The following CFAP47 variants were observed in gnomAD, a reference collection of about 807,000 sequenced individuals.
The protein encoded by CFAP47 is cilia and flagella associated protein 47, also known as cilia- and flagella-associated protein 47.
CFAP47 carries 29 observed loss-of-function variants against 148.1 expected under a neutral mutation model. The ratio of observed to expected loss-of-function variants is 0.20; its 90% confidence interval spans 0.15 to 0.27. CFAP47 has a LOEUF of 0.27. Among genes scored for constraint, CFAP47 ranks in the 10% least tolerant of loss-of-function variants. The pLI is 1.00. For synonymous variants in CFAP47, 664 were observed against 577.3 expected (o/e 1.15, Z -2.15); for missense variants, 1,872 against 1,697.5 (o/e 1.10, Z -1.81).
At chrX:36,036,356 A>C (rs1304269617) in intron 24 of CFAP47, among the ~76,000 whole-genome samples, 1 of 95,214 alleles carries the variant, frequency 1.1e-5, no homozygotes, top group African/African-American at 5.2e-5. Flanking sequence ...TCTAGGTTCA[A>C]TCATTTTTTT....
chrX:36,238,544 T>G (rs782080136), intron 48 of CFAP47, among the ~76,000 whole-genome samples: 24 of 112,024 alleles, frequency 2.1e-4, no homozygotes, highest in Non-Finnish European at 9.4e-5. Flanking sequence ...TCCTCTGCTG[T>G]GACCTCTGTG....
chrX:36,232,065 T>C (rs1940370840), intron 46 of CFAP47, among the ~76,000 whole-genome samples: 1 of 111,489 alleles, frequency 9.0e-6, no homozygotes, highest in Admixed American at 9.5e-5. Flanking sequence ...GATATTGGTC[T>C]AAAATTCTCC....
At chrX:36,090,096 C>G (rs1421507356) in intron 30 of CFAP47, among the ~76,000 whole-genome samples, 1 of 111,444 alleles carries the variant, frequency 9.0e-6, no homozygotes, top group African/African-American at 3.3e-5. Context: ...GTCAGAAAGC[C>G]AGTATTTATC....
intron 57 of CFAP47, among the ~76,000 whole-genome samples, chrX:36,334,787 TCA>T (rs1452505261): frequency 9.0e-6 from 1 of 111,097 alleles, no homozygotes; most frequent in Non-Finnish European, 1.9e-5. Flanking sequence ...TTCTAGGATA[TCA>T]CACTATCCTA....
intron 6 of CFAP47, among the ~76,000 whole-genome samples, chrX:35,953,017 T>C (rs1936190149): frequency 8.9e-6 from 1 of 112,059 alleles, no homozygotes; most frequent in Admixed American, 9.6e-5. Flanking sequence ...AAATAGCCAA[T>C]GAGCAGACCT....
chrX:35,973,860 C>T (rs750971733), intron 13 of CFAP47, among the ~76,000 whole-genome samples: 5 of 112,207 alleles, frequency 4.5e-5, no homozygotes, highest in Non-Finnish European at 7.5e-5. Flanking sequence ...ACACTTCATC[C>T]CTAAGATGAG....
chrX:36,239,325 A>G lies in CFAP47; in HGVS notation c.7332+2466A>G, dbSNP rs782531349. Among the ~76,000 whole-genome samples the G allele has an allele frequency of 3.6e-5, 4 of 112,572 alleles. No homozygotes were observed. In the South Asian group the frequency reaches 1.4e-3, roughly 41 times the overall value. On this transcript the variant is annotated intron_variant, in intron 48 of 63. Coordinates refer to ENST00000378653, the MANE Select transcript of CFAP47 (RefSeq NM_001304548.2). Reference sequence around the variant, plus strand: ...GAAATTAAAGACTTGAAATAATCTAAGAAGTATATATTTAAGAAAAACTCG... The same window carrying G: ...GAAATTAAAGACTTGAAATAATCTAGGAAGTATATATTTAAGAAAAACTCG...
chrX:36,099,865 C>A lies in CFAP47; in HGVS notation c.5113C>A (p.Leu1705Ile). The A allele has an allele frequency of 1.0e-6, 1 of 980,013 alleles. No homozygotes were observed. Among genetic ancestry groups the A allele is most frequent in the Non-Finnish European group, 1.4e-6 (1 of 690,010 alleles). The allele number at this position is 980,013 out of a possible 1,213,427, so 80.8% of individuals were successfully genotyped here. ...TAAACGGGCATGGACAGATGTATTT[C>A]TACAGATATACAAGGTAACATTTCC... ...WSKRAWTDVF[L>I]QIYKVLVLSR... Residue 1705 changes from leucine (L) to isoleucine (I), a missense_variant, in exon 32 of 64, where the codon CTA becomes ATA. Transcript: ENST00000378653.
intron 26 of CFAP47, among the ~76,000 whole-genome samples, chrX:36,052,389 A>G (rs982736882): frequency 8.9e-6 from 1 of 112,230 alleles, no homozygotes; most frequent in African/African-American, 3.2e-5. Flanking sequence ...TGCCTTTAAA[A>G]CAGGTACAAT....
rs193030348 is a variant in CFAP47 at position 36,306,960 on chromosome X, A to T, written c.8187+84A>T. The T allele has an allele frequency of 1.7e-3, 704 of 409,989 alleles. 5 individuals are homozygous for T. Among genetic ancestry groups the T allele is most frequent in the African/African-American group, 0.016 (628 of 38,252 alleles). 33.8% of individuals were successfully genotyped at this position (409,989 alleles called of 1,213,427 possible). ...ATAAATATAATTCATCATTCACTCA[A>T]TTATCATATTTTGCAAGTAAAACAA... On this transcript the variant is annotated intron_variant, in intron 55 of 63. Coordinates refer to ENST00000378653, the MANE Select transcript of CFAP47 (RefSeq NM_001304548.2).
chrX:36,061,560 C>T (rs1271863772), intron 26 of CFAP47, among the ~76,000 whole-genome samples: 7 of 111,864 alleles, frequency 6.3e-5, no homozygotes, highest in Non-Finnish European at 1.3e-4. Context: ...ATAGCTATAG[C>T]AAGTGTTAGA....
At chrX:36,261,994 CG>C in intron 49 of CFAP47, among the ~76,000 whole-genome samples, 1 of 110,295 alleles carries the variant, frequency 9.1e-6, no homozygotes, top group East Asian at 3.1e-4. Flanking sequence ...GCTGGCCGGG[CG>C]GGGGCTGACC....
intron 63 of CFAP47, chrX:36,379,769 T>G (rs1556023770): frequency 3.6e-6 from 1 of 275,282 alleles, no homozygotes; most frequent in East Asian, 7.6e-5. Flanking sequence ...CCTTCCATAT[T>G]AAGGAACTTT....
At position 35,966,571 on chromosome X, in the gene CFAP47, A is replaced by C. The variant is rs777818446; in HGVS notation, c.1417A>C (p.Met473Leu). ...KITGGGMVDV[M>L]CSFVPHQLGV... Reference sequence around the variant, plus strand: ...TTTCATCTTTTTTTTTTAGGATGTGATGTGTTCATTTGTTCCACATCAACT... The same window carrying C: ...TTTCATCTTTTTTTTTTAGGATGTGCTGTGTTCATTTGTTCCACATCAACT... Residue 473 changes from methionine (M) to leucine (L), a missense_variant, in exon 9 of 64, where the codon ATG becomes CTG. Coordinates refer to ENST00000378653, the MANE Select transcript of CFAP47 (RefSeq NM_001304548.2). The C allele has an allele frequency of 9.6e-7, 1 of 1,042,496 alleles. No homozygotes were observed. Among genetic ancestry groups the C allele is most frequent in the Non-Finnish European group, 1.2e-6 (1 of 800,681 alleles). 85.9% of individuals were successfully genotyped at this position (1,042,496 alleles called of 1,213,427 possible). A position where few individuals can be genotyped will look rare whatever the true frequency, so the allele number is the denominator to read the frequency against.
intron 49 of CFAP47, among the ~76,000 whole-genome samples, chrX:36,265,466 C>T (rs1004785036): frequency 2.7e-5 from 3 of 111,731 alleles, no homozygotes; most frequent in Non-Finnish European, 3.8e-5. Flanking sequence ...TGTGAGTGGA[C>T]GTCCTTGTCT....
chrX:36,064,342 A>G (rs1462322906), intron 26 of CFAP47, among the ~76,000 whole-genome samples: 1 of 111,985 alleles, frequency 8.9e-6, no homozygotes, highest in Non-Finnish European at 1.9e-5. Flanking sequence ...CTTAGGATCC[A>G]TAGCAAAGAA....
intron 23 of CFAP47, among the ~76,000 whole-genome samples, chrX:36,032,868 G>C (rs1449230852): frequency 9.0e-6 from 1 of 111,485 alleles, no homozygotes; most frequent in Non-Finnish European, 1.9e-5. Flanking sequence ...AATAACATGA[G>C]TGGTTAAAAG....
At chrX:36,231,042 T>C (rs200726044) in intron 46 of CFAP47, among the ~76,000 whole-genome samples, 31,936 of 104,119 alleles carry the variant, frequency 0.31, 6,874 homozygotes, top group African/African-American at 0.7. Context: ...AGTCAGGTAG[T>C]GTGATGCCTC....
At chrX:36,369,614 CTTACTT>C (rs1185029388) in intron 62 of CFAP47, among the ~76,000 whole-genome samples, 2 of 111,433 alleles carry the variant, frequency 1.8e-5, no homozygotes, top group Non-Finnish European at 3.8e-5. Context: ...ATCAAAATAA[CTTACTT>C]TTATAACTGG....
Sources: gnomAD v4.1 joint callset for allele counts (sites outside exome capture counted in the v4.1 genomes callset) on GRCh38, gnomAD v4.1.1 for gene constraint, MANE v1.5 for transcripts, NCBI Gene and HGNC (gene_info 2026-07-23, HGNC 2026-07-21) for gene names.